Variants in NR3C2 observed in about 807,000 individuals in gnomAD.
NR3C2 encodes nuclear receptor subfamily 3 group C member 2.
Under a neutral mutation model 86.4 loss-of-function variants are expected in NR3C2, and 15 were observed. The observed-to-expected ratio is 0.17, with a 90% CI of 0.12 to 0.27. The LOEUF (loss-of-function observed/expected upper bound fraction) is 0.27, where lower values mean the gene tolerates loss of function less well. NR3C2 is among the 10% of genes least tolerant of loss of function. The probability of loss-of-function intolerance (pLI) is 1.00; values close to 1 mark genes in which losing one functional copy is unlikely to be tolerated. For synonymous variants in NR3C2, 458 were observed against 450.5 expected, an observed-to-expected ratio of 1.02 and a Z score of -0.21; for missense variants, 960 against 1,195.6, an observed-to-expected ratio of 0.80 and a Z score of 2.91.
chr4:148,334,368 C>A (rs1744379860), intron 2 of NR3C2, among the ~76,000 whole-genome samples: 2 of 152,190 alleles, frequency 1.3e-5, no homozygotes, highest in African/African-American at 4.8e-5. Context: ...CATGGCAAAA[C>A]CCCATCTCTT....
chr4:148,265,443 G>A (rs1008159126), intron 2 of NR3C2, among the ~76,000 whole-genome samples: 1 of 152,168 alleles, frequency 6.6e-6, no homozygotes, highest in Non-Finnish European at 1.5e-5. Context: ...TTGGCTCATT[G>A]AGAATCTCTA....
chr4:148,374,010 T>C (rs1746551345), intron 2 of NR3C2, among the ~76,000 whole-genome samples: 1 of 152,188 alleles, frequency 6.6e-6, no homozygotes, highest in Admixed American at 6.5e-5. Context: ...CACAGACCTC[T>C]ACAGCTGCCT....
chr4:148,278,603 A>C (rs1202060443), intron 2 of NR3C2, among the ~76,000 whole-genome samples: 2 of 151,940 alleles, frequency 1.3e-5, no homozygotes. Flanking sequence ...ACCCACACCC[A>C]TTTTTAAGTT....
chr4:148,293,888 G>T (rs556709345), intron 2 of NR3C2, among the ~76,000 whole-genome samples: 1 of 152,232 alleles, frequency 6.6e-6, no homozygotes, highest in East Asian at 1.9e-4. Flanking sequence ...ACATGACCAC[G>T]GTTTGTTGGG....
chr4:148,442,681 A>G (rs1275095894), upstream of NR3C2: 11 of 985,260 alleles, frequency 1.1e-5, no homozygotes, highest in Non-Finnish European at 1.3e-5. Flanking sequence ...GACATGACTG[A>G]TACAAAGTTG....
intron 2 of NR3C2, among the ~76,000 whole-genome samples, chr4:148,277,897 T>C (rs186679199): frequency 2.0e-5 from 3 of 152,262 alleles, no homozygotes; most frequent in Middle Eastern, 3.4e-3. Context: ...TCTTCACCTA[T>C]AGGGCCTCAG....
intron 2 of NR3C2, among the ~76,000 whole-genome samples, chr4:148,294,216 G>A (rs1428888494): frequency 1.3e-5 from 2 of 152,144 alleles, no homozygotes; most frequent in Non-Finnish European, 2.9e-5. Flanking sequence ...TTCCTCATCT[G>A]CAAAATGGGG....
At chr4:148,325,229 CT>C (rs1254614360) in intron 2 of NR3C2, among the ~76,000 whole-genome samples, 2 of 152,040 alleles carry the variant, frequency 1.3e-5, no homozygotes, top group Non-Finnish European at 2.9e-5. Flanking sequence ...CTCAGTTCTG[CT>C]ATCAAATAGC....
At chr4:148,311,818 T>C (rs1319913803) in intron 2 of NR3C2, among the ~76,000 whole-genome samples, 1 of 152,242 alleles carries the variant, frequency 6.6e-6, no homozygotes, top group African/African-American at 2.4e-5. Context: ...TTGATGATTC[T>C]GGAATGTGCC....
rs72655285 is a variant in NR3C2, at chr4:148,312,897, A to G, written c.1758-52780T>C. Among the ~76,000 whole-genome samples, 186 of 152,306 alleles carry G rather than the reference A, an allele frequency of 1.2e-3. 1 individual carries two copies. The highest frequency in any genetic ancestry group is 4.1e-3 in the African/African-American group (169 of 41,576). Reference sequence around the variant, plus strand: ...TTAAAGAGCAGTAGCCCAATTAAATATTACCAAAGAAAAACGCTTTTTACT... The same window carrying G: ...TTAAAGAGCAGTAGCCCAATTAAATGTTACCAAAGAAAAACGCTTTTTACT... On this transcript the variant is annotated intron_variant, in intron 2 of 8. Transcript: ENST00000358102.
chr4:148,327,567 G>T (rs1271885126), intron 2 of NR3C2, among the ~76,000 whole-genome samples: 7 of 152,140 alleles, frequency 4.6e-5, no homozygotes, highest in Non-Finnish European at 5.9e-5. Context: ...CCAGGCACTG[G>T]AGCTCCCAAA....
At chr4:148,171,435 G>T (rs1735119768) in intron 4 of NR3C2, among the ~76,000 whole-genome samples, 1 of 152,180 alleles carries the variant, frequency 6.6e-6, no homozygotes, top group Admixed American at 6.5e-5. Context: ...CAACCTTTTG[G>T]GCACCAGGGA....
At chr4:148,165,787 A>C (rs1285839056) in intron 4 of NR3C2, among the ~76,000 whole-genome samples, 1 of 152,218 alleles carries the variant, frequency 6.6e-6, no homozygotes, top group Non-Finnish European at 1.5e-5. Flanking sequence ...TTGTTTTAAC[A>C]GTCTGTATTT....
At chr4:148,209,452 T>G (rs1315903388) in intron 3 of NR3C2, among the ~76,000 whole-genome samples, 3 of 151,918 alleles carry the variant, frequency 2.0e-5, no homozygotes, top group African/African-American at 7.3e-5. Context: ...GCTAATTTTC[T>G]GATGTTTTTT....
intron 2 of NR3C2, among the ~76,000 whole-genome samples, chr4:148,404,041 T>C (rs1431685736): frequency 6.6e-6 from 1 of 152,106 alleles, no homozygotes; most frequent in Non-Finnish European, 1.5e-5. Context: ...TTACACATTT[T>C]GCTCAGACAG....
intron 6 of NR3C2, among the ~76,000 whole-genome samples, chr4:148,120,706 G>A (rs1188549292): frequency 6.6e-6 from 1 of 152,220 alleles, no homozygotes; most frequent in Admixed American, 6.5e-5. Flanking sequence ...TGGGCTAGAT[G>A]CTACGAACAT....
chr4:148,135,151 A>G (rs1733240482), intron 6 of NR3C2, among the ~76,000 whole-genome samples: 1 of 152,184 alleles, frequency 6.6e-6, no homozygotes, highest in Non-Finnish European at 1.5e-5. Flanking sequence ...AAGGAACAGC[A>G]GTGGTATGGT....
chr4:148,238,399 C>T (rs1454168134), intron 3 of NR3C2, among the ~76,000 whole-genome samples: 2 of 152,108 alleles, frequency 1.3e-5, no homozygotes, highest in Non-Finnish European at 2.9e-5. Flanking sequence ...GCCAGACAAA[C>T]GAGAGGTCAG....
At chr4:148,414,085 T>C (rs1290899379) in intron 2 of NR3C2, among the ~76,000 whole-genome samples, 1 of 152,192 alleles carries the variant, frequency 6.6e-6, no homozygotes, top group Non-Finnish European at 1.5e-5. Context: ...AGATAAGCGA[T>C]AGAATACTAT....
Sources: gnomAD v4.1 joint callset for allele counts (sites outside exome capture counted in the v4.1 genomes callset) on GRCh38, gnomAD v4.1.1 for gene constraint, MANE v1.5 for transcripts, NCBI Gene and HGNC (gene_info 2026-07-23, HGNC 2026-07-21) for gene names.